MGAM: variants seen among roughly 807,000 people sequenced by gnomAD.
MGAM encodes alpha-1,4-glucosidase.
A neutral mutation model predicts 358.8 loss-of-function variants in MGAM; 253 were observed. The ratio of observed to expected loss-of-function variants is 0.71; its 90% CI spans 0.64 to 0.78. The LOEUF (loss-of-function observed/expected upper bound fraction) is 0.78. Ranked by LOEUF, MGAM falls within the 30% of genes least tolerant of loss-of-function variation. MGAM has a pLI of 0.00. For synonymous variants in MGAM, 1,105 were observed against 1,227.1 expected, an observed-to-expected ratio of 0.90 and a Z score of 2.08; for missense variants, 3,080 against 3,432.6, an observed-to-expected ratio of 0.90 and a Z score of 2.57.
intron 33 of MGAM, 29 bp from the exon 34 acceptor site, chr7:142,060,282 A>G (rs199889050): frequency 2.5e-3 from 4,095 of 1,608,836 alleles, no homozygotes; most frequent in Middle Eastern, 8.6e-3. Flanking sequence ...TGTCTAGTGC[A>G]TCGCTACTGA....
chr7:142,103,478 C>A, intron 70 of MGAM, 39 bp downstream of exon 70: 2 of 1,528,710 alleles, frequency 1.3e-6, no homozygotes, highest in South Asian at 1.3e-5. Context: ...TATTCTCCAC[C>A]CTTAATATGC....
At position 142,047,826 on chromosome 7, in the gene MGAM, A is replaced by G; in HGVS notation, c.2540A>G (p.Asn847Ser). Residue 847 changes from asparagine (N) to serine (S), a missense_variant, in exon 22 of 71, where the codon AAC (asparagine) becomes AGC (serine). Coordinates refer to ENST00000475668, the MANE Select transcript of MGAM (RefSeq NM_001365693.1). The stretch of plus-strand genomic sequence containing the variant: ...GGTCTTATCATTGCCCTAGATGAGA[A>G]CAAAGAAGCAAAAGGAGAACTTTTC... ...PLGLIIALDE[N>S]KEAKGELFWD... The G allele has an allele frequency of 6.2e-7, 1 of 1,612,624 alleles. No homozygotes were observed. The highest frequency in any genetic ancestry group is 8.5e-7 in the Non-Finnish European group (1 of 1,178,742).
At position 142,099,704 on chromosome 7, in the gene MGAM, C is replaced by T. The variant is rs768669879; in HGVS notation, c.7841C>T (p.Pro2614Leu). ...CATGTCCGTGGGGGCTACATCCTGCCCTGGCAAGAGCCTGCACTGAACACC... is the reference window on the plus strand; with the variant it reads ...CATGTCCGTGGGGGCTACATCCTGCTCTGGCAAGAGCCTGCACTGAACACC... ...NLHVRGGYIL[P>L]WQEPALNTHL... Residue 2614 changes from proline to leucine, a missense_variant, in exon 67 of 71, where the codon CCC becomes CTC. Coordinates refer to ENST00000475668, the MANE Select transcript of MGAM (RefSeq NM_001365693.1). 6.2e-7 allele frequency: 1 copy of T among 1,613,938 alleles called. No homozygotes were observed.
chr7:142,069,303 G>C (rs529358929), intron 43 of MGAM, among the ~76,000 whole-genome samples: 1 of 145,794 alleles, frequency 6.9e-6, no homozygotes, highest in Non-Finnish European at 1.6e-5. Context: ...GCTCCTTGCC[G>C]CATAGTTTCA....
At chr7:142,064,603 T>G in intron 37 of MGAM, 81 bp downstream of exon 37, 11 of 1,489,094 alleles carry the variant, frequency 7.4e-6, no homozygotes, top group Non-Finnish European at 1.0e-5. Flanking sequence ...AGTTTTCCTT[T>G]CATTCCATTT....
intron 21 of MGAM, among the ~76,000 whole-genome samples, chr7:142,046,067 A>T (rs187995860): frequency 0.017 from 2,339 of 136,252 alleles, 285 homozygotes; most frequent in African/African-American, 0.062. Flanking sequence ...GTAATATAAT[A>T]TATAATATAG....
chr7:142,050,548 T>C, intron 23 of MGAM, 149 bp from the exon 24 acceptor site: 2 of 948,744 alleles, frequency 2.1e-6, no homozygotes, highest in Non-Finnish European at 3.3e-6. Context: ...CAAATAATGT[T>C]GTACTTCTTC....
At chr7:141,997,254 C>T (rs915269437) in intron 1 of MGAM, among the ~76,000 whole-genome samples, 1 of 152,124 alleles carries the variant, frequency 6.6e-6, no homozygotes, top group Non-Finnish European at 1.5e-5. Context: ...AAACTGTCTA[C>T]AGTCTGTGTC....
intron 17 of MGAM, 105 bp downstream of exon 17, chr7:142,036,390 C>T (rs1808000242): frequency 1.2e-6 from 1 of 822,080 alleles, no homozygotes; most frequent in African/African-American, 1.7e-5. Flanking sequence ...CTTACCTGGT[C>T]TTCACTTACT....
intron 70 of MGAM, 127 bp downstream of exon 70, chr7:142,103,566 A>G: frequency 1.1e-6 from 1 of 939,164 alleles, no homozygotes; most frequent in Non-Finnish European, 1.5e-6. Flanking sequence ...TGAGTTTTCC[A>G]TGTGTTAGGA....
At chr7:142,004,279 A>T (rs1804973654) in intron 1 of MGAM, 1 of 152,086 alleles carries the variant, frequency 6.6e-6, no homozygotes, top group Non-Finnish European at 1.5e-5. Flanking sequence ...TAGTAAAGTC[A>T]TGAAATCAAT....
intron 2 of MGAM, 94 bp downstream of exon 2, chr7:142,005,751 T>A: frequency 7.8e-7 from 1 of 1,282,168 alleles, no homozygotes; most frequent in Non-Finnish European, 1.1e-6. Flanking sequence ...TGCTCATGTG[T>A]GTATGTGTTT....
chr7:142,098,093 A>G (rs1816106204), intron 66 of MGAM, among the ~76,000 whole-genome samples: 1 of 152,138 alleles, frequency 6.6e-6, no homozygotes, highest in East Asian at 1.9e-4. Context: ...TAGATGCTCA[A>G]AGAAGGGCAC....
rs1490470502 is a variant in MGAM, at chr7:142,078,333, G to T, written c.5509G>T (p.Asp1837Tyr). The T allele has an allele frequency of 1.6e-5, 24 of 1,482,866 alleles. 5 individuals carry two copies. The highest frequency in any genetic ancestry group is 2.0e-5 in the Non-Finnish European group (22 of 1,093,580). 91.9% of individuals were successfully genotyped at this position (1,482,866 alleles called of 1,614,324 possible). The change falls in exon 48 of 71, where the codon GAC becomes TAC. Residue 1837 changes from aspartate to tyrosine, a missense_variant. By Grantham distance (160) the Asp-to-Tyr change is radical. Transcript: ENST00000475668. ...DSNLKVAIITDINLFLGEAYT... is the reference protein window; with the variant it reads ...DSNLKVAIITYINLFLGEAYT... ...ATTCCTACAGGTCGCCATTATCACAGACATCAATCTTTTCCTGGGAGAAGC... is the reference window on the plus strand; with the variant it reads ...ATTCCTACAGGTCGCCATTATCACATACATCAATCTTTTCCTGGGAGAAGC...
chr7:142,099,494 T>G, intron 66 of MGAM, 119 bp from the exon 67 acceptor site: 3 of 1,497,650 alleles, frequency 2.0e-6, no homozygotes, highest in Non-Finnish European at 1.8e-6. Context: ...GCAGGTATGT[T>G]GCAAAGGGTG....
rs1261792743 is a variant in MGAM at position 142,043,733 on chromosome 7, TATATACATTATATACACATACG to T, written c.2498+2889_2498+2910del. 1.1e-3 allele frequency among the ~76,000 whole-genome samples: 95 copies of T among 84,866 alleles called. 4 individuals are homozygous for T. Among genetic ancestry groups the T allele is most frequent in the East Asian group, 4.1e-3 (12 of 2,934 alleles). The allele number at this position is 84,866 out of a possible 152,430, so 55.7% of individuals were successfully genotyped here. ...ATATCATGTAATATGTAATATATAA[TATATACATTATATACACATACG>T]ACATATAATATATACATTATATACA... On this transcript the variant is annotated intron_variant, in intron 21 of 70. Coordinates refer to ENST00000475668, the MANE Select transcript of MGAM (RefSeq NM_001365693.1).
chr7:142,058,183 ATT>A lies in MGAM; in HGVS notation c.3694-17_3694-16del, dbSNP rs781548000. ...TGGTGCCTCTGTTCTGAAGACTAAT[ATT>A]TTCTGTCTATTTTCTAGTTGATTGG... is the stretch of plus-strand genomic sequence containing the variant. On this transcript the variant is annotated intron_variant, in intron 30 of 70. Transcript: ENST00000475668. 1.2e-5 allele frequency: 20 copies of A among 1,613,154 alleles called. No individual in the cohort carries two copies. Among genetic ancestry groups the A allele is most frequent in the Admixed American group, 1.7e-5 (1 of 59,940 alleles).
Position 142,036,909 on chromosome 7 carries a change from C to T in MGAM, c.2163C>T (p.Pro721=). The stretch of plus-strand genomic sequence containing the variant: ...TTAACATCCGCTATACTCTATTGCC[C>T]TACCTATACACCCTCTTCTTCCGTG... The part of the protein sequence containing the change: ...HYLNIRYTLL[P]YLYTLFFRAH... The change falls in exon 18 of 71, where the codon CCC becomes CCT. Residue 721 remains proline, a synonymous_variant. Coordinates refer to ENST00000475668, the MANE Select transcript of MGAM (RefSeq NM_001365693.1). 1.2e-6 allele frequency: 2 copies of T among 1,613,760 alleles called. No individual in the cohort carries two copies. Among genetic ancestry groups the T allele is most frequent in the Non-Finnish European group, 1.7e-6 (2 of 1,179,696 alleles).
chr7:142,037,254 C>G (rs1808076076), intron 18 of MGAM, among the ~76,000 whole-genome samples: 1 of 152,152 alleles, frequency 6.6e-6, no homozygotes, highest in Non-Finnish European at 1.5e-5. Flanking sequence ...TTCTGCCATT[C>G]ACTAACTCTG....
Sources: gnomAD v4.1 joint callset for allele counts (sites outside exome capture counted in the v4.1 genomes callset) on GRCh38, gnomAD v4.1.1 for gene constraint, MANE v1.5 for transcripts, NCBI Gene and HGNC (gene_info 2026-07-23, HGNC 2026-07-21) for gene names.